GALNTL6: variants seen among roughly 807,000 people sequenced by gnomAD.
The protein encoded by GALNTL6 is polypeptide N-acetylgalactosaminyltransferase-like 6.
GALNTL6 carries 46 observed loss-of-function variants against 73.7 expected under a neutral mutation model. That is an observed-to-expected ratio of 0.62 (90% CI 0.49 to 0.80). The LOEUF (loss-of-function observed/expected upper bound fraction) is 0.80. Ranked by LOEUF, GALNTL6 falls within the 30% of genes least tolerant of loss-of-function variation. GALNTL6 has a pLI of 0.00. For missense variants in GALNTL6, 604 were observed against 755.0 expected (o/e 0.80, Z 2.34); for synonymous variants, 259 against 263.7 (o/e 0.98, Z 0.17).
chr4:172,496,469 C>T (rs1357684377), intron 5 of GALNTL6, among the ~76,000 whole-genome samples: 1 of 151,998 alleles, frequency 6.6e-6, no homozygotes, highest in Non-Finnish European at 1.5e-5. Context: ...GTGGGAGAAT[C>T]GCTTGGGACC....
chr4:173,037,901 C>T (rs1292884397), intron 12 of GALNTL6, among the ~76,000 whole-genome samples: 1 of 152,126 alleles, frequency 6.6e-6, no homozygotes, highest in Non-Finnish European at 1.5e-5. Flanking sequence ...CACCACCACG[C>T]CTGGCTAATT....
intron 5 of GALNTL6, among the ~76,000 whole-genome samples, chr4:172,632,310 C>T (rs1047386430): frequency 1.1e-4 from 17 of 152,268 alleles, no homozygotes; most frequent in African/African-American, 4.1e-4. Context: ...AGGACGGGAA[C>T]ATGTGGGAAA....
chr4:171,838,286 T>A (rs1735154404), intron 2 of GALNTL6, among the ~76,000 whole-genome samples: 2 of 151,854 alleles, frequency 1.3e-5, no homozygotes, highest in African/African-American at 4.8e-5. Flanking sequence ...ACCATGCCCA[T>A]CTAAGTTTGA....
chr4:171,912,730 C>A (rs907147355), intron 2 of GALNTL6, among the ~76,000 whole-genome samples: 1 of 152,104 alleles, frequency 6.6e-6, no homozygotes, highest in Non-Finnish European at 1.5e-5. Flanking sequence ...CTCTAGTAAC[C>A]ACCACTCTAC....
At chr4:172,264,576 ATATATATATATATAT>A (rs1738379000) in intron 3 of GALNTL6, among the ~76,000 whole-genome samples, 1 of 114,546 alleles carries the variant, frequency 8.7e-6, no homozygotes, top group African/African-American at 3.6e-5. Flanking sequence ...ATATATATAT[ATATATATATATATAT>A]ATTTGGCATA....
intron 2 of GALNTL6, among the ~76,000 whole-genome samples, chr4:171,949,523 G>A (rs1470656018): frequency 6.6e-6 from 1 of 152,118 alleles, no homozygotes; most frequent in African/African-American, 2.4e-5. Context: ...GGGGAAAAAA[G>A]CGTAATGTAT....
intron 2 of GALNTL6, among the ~76,000 whole-genome samples, chr4:171,942,620 A>G (rs1038815021): frequency 1.3e-5 from 2 of 152,122 alleles, no homozygotes; most frequent in African/African-American, 2.4e-5. Flanking sequence ...GAAGGATAGG[A>G]TTGTTTGTTT....
intron 2 of GALNTL6, among the ~76,000 whole-genome samples, chr4:171,967,453 T>TGG (rs201757829): frequency 2.5e-4 from 36 of 141,380 alleles, no homozygotes; most frequent in South Asian, 4.3e-4. Flanking sequence ...ATGGGTTTTT[T>TGG]TTTTTTTTTT....
At chr4:172,029,980 T>A (rs1342346805) in intron 2 of GALNTL6, among the ~76,000 whole-genome samples, 1 of 152,140 alleles carries the variant, frequency 6.6e-6, no homozygotes, top group Non-Finnish European at 1.5e-5. Flanking sequence ...TATATGTGTA[T>A]GCTATGTTTA....
intron 5 of GALNTL6, among the ~76,000 whole-genome samples, chr4:172,577,637 CA>C (rs1737007819): frequency 6.6e-6 from 1 of 152,120 alleles, no homozygotes; most frequent in East Asian, 1.9e-4. Context: ...GCTGTTTACA[CA>C]GGCCCCCAAG....
intron 5 of GALNTL6, among the ~76,000 whole-genome samples, chr4:172,600,912 G>A (rs1738030875): frequency 6.6e-6 from 1 of 151,808 alleles, no homozygotes; most frequent in African/African-American, 2.4e-5. Context: ...ATCATATCTA[G>A]TGTCCAATAA....
chr4:172,029,949 G>C (rs139957449), intron 2 of GALNTL6, among the ~76,000 whole-genome samples: 35 of 152,122 alleles, frequency 2.3e-4, no homozygotes, highest in African/African-American at 8.2e-4. Context: ...AAAAGTGAGT[G>C]CTAATAACCC....
chr4:171,874,041 T>A (rs2110899789), intron 2 of GALNTL6, among the ~76,000 whole-genome samples: 1 of 152,316 alleles, frequency 6.6e-6, no homozygotes, highest in East Asian at 1.9e-4. Context: ...TATTCATGTC[T>A]TTTTAATCAC....
intron 7 of GALNTL6, among the ~76,000 whole-genome samples, chr4:172,843,426 C>T (rs1824347): frequency 0.47 from 70,840 of 152,070 alleles, 19,504 homozygotes; most frequent in East Asian, 0.91. Flanking sequence ...CCCTGGAAAG[C>T]GTTGCTTCAG....
chr4:172,296,242 A>G (rs895984569), intron 3 of GALNTL6, among the ~76,000 whole-genome samples: 5 of 152,112 alleles, frequency 3.3e-5, no homozygotes, highest in African/African-American at 1.2e-4. Flanking sequence ...ATTAAGACCT[A>G]TTCTGTTACT....
chr4:171,881,949 A>G (rs1323695532), intron 2 of GALNTL6, among the ~76,000 whole-genome samples: 3 of 152,178 alleles, frequency 2.0e-5, no homozygotes, highest in Admixed American at 6.6e-5. Context: ...GCTTTTAGTA[A>G]TTGCTTTCTT....
At chr4:172,796,050 GTGAT>G (rs1047887952) in intron 5 of GALNTL6, among the ~76,000 whole-genome samples, 9 of 151,450 alleles carry the variant, frequency 5.9e-5, no homozygotes, top group Non-Finnish European at 1.0e-4. Context: ...AATATGAACA[GTGAT>G]TGAACAGTGA....
At chr4:172,922,817 C>G (rs1747861333) in intron 8 of GALNTL6, among the ~76,000 whole-genome samples, 1 of 152,194 alleles carries the variant, frequency 6.6e-6, no homozygotes, top group Non-Finnish European at 1.5e-5. Flanking sequence ...AATTTATAGT[C>G]TGGTGAGGGG....
chr4:172,010,811 A>C (rs1361231911), intron 2 of GALNTL6, among the ~76,000 whole-genome samples: 2 of 152,064 alleles, frequency 1.3e-5, no homozygotes, highest in East Asian at 1.9e-4. Context: ...AGTAAAGTCA[A>C]ACAAGTGCTT....
Sources: gnomAD v4.1 joint callset for allele counts (sites outside exome capture counted in the v4.1 genomes callset) on GRCh38, gnomAD v4.1.1 for gene constraint, MANE v1.5 for transcripts, NCBI Gene and HGNC (gene_info 2026-07-23, HGNC 2026-07-21) for gene names.